NWD1: variants seen among roughly 807,000 people sequenced by gnomAD.
NWD1 encodes the protein NACHT domain- and WD repeat-containing protein 1.
In NWD1, 129 loss-of-function variants were observed where a neutral mutation model predicts 135.1. That is an observed-to-expected ratio of 0.96 (90% CI 0.83 to 1.11). The LOEUF is 1.11. Ranked by LOEUF, NWD1 falls within the 50% of genes least tolerant of loss-of-function variation. NWD1 has a pLI of 0.00. For missense variants in NWD1, 1,740 were observed against 1,851.3 expected (o/e 0.94, Z 1.10); for synonymous variants, 773 against 786.0 (o/e 0.98, Z 0.28).
At chr19:16,767,729 G>A (rs1969276763) in intron 10 of NWD1, among the ~76,000 whole-genome samples, 1 of 151,944 alleles carries the variant, frequency 6.6e-6, no homozygotes, top group South Asian at 2.1e-4. Context: ...TCAACATGTG[G>A]GGATTATGGG....
At chr19:16,769,355 G>T (rs548816678) in intron 10 of NWD1, among the ~76,000 whole-genome samples, 1 of 152,006 alleles carries the variant, frequency 6.6e-6, no homozygotes, top group Non-Finnish European at 1.5e-5. Context: ...CCAGTTACTC[G>T]GGAGGCTGAG....
At position 16,736,670 on chromosome 19, in the gene NWD1, G is replaced by A. The variant is rs1212205206; in HGVS notation, c.118G>A (p.Ala40Thr). The change falls in exon 4 of 19, where the codon GCC becomes ACC. Residue 40 changes from alanine to threonine, a missense_variant. Transcript: ENST00000524140. Reference protein sequence around the residue: ...DLRWGIRNIEATDHLTTELCL... With the variant: ...DLRWGIRNIETTDHLTTELCL... ...GAGGTGGGGTATTCGGAACATTGAA[G>A]CCACTGACCACTTGACCACAGAACT... 6 of 1,536,120 alleles carry A rather than the reference G, an allele frequency of 3.9e-6. No individual in the cohort carries two copies. The highest frequency in any genetic ancestry group is 1.4e-5 in the African/African-American group (1 of 73,162).
At chr19:16,744,173 G>A (rs1416531647) in intron 4 of NWD1, among the ~76,000 whole-genome samples, 3 of 152,080 alleles carry the variant, frequency 2.0e-5, no homozygotes, top group Admixed American at 2.0e-4. Context: ...AGGATCCCTT[G>A]AGTACAGGAG....
chr19:16,778,788 T>A lies in NWD1; in HGVS notation c.2609-555T>A, dbSNP rs539790005. On this transcript the variant is annotated intron_variant, in intron 11 of 18. Transcript: ENST00000524140. ...CCTCCCAAAGTTTGGCCTCCCAAAG[T>A]ATTGGCCTCCCACAGTGCTGGGTGG... 2.7e-4 allele frequency among the ~76,000 whole-genome samples: 41 copies of A among 152,250 alleles called. No homozygotes were observed. The Middle Eastern group carries it at 0.01, about 38-fold the overall frequency.
In NWD1 at chr19:16,763,885, G is replaced by A; in HGVS notation, c.2191G>A (p.Glu731Lys). The A allele has an allele frequency of 1.9e-6, 3 of 1,614,012 alleles. No individual in the cohort carries two copies. Among genetic ancestry groups the A allele is most frequent in the Non-Finnish European group, 2.5e-6 (3 of 1,179,934 alleles). The change falls in exon 9 of 19, where the codon GAG becomes AAG. Residue 731 changes from glutamate to lysine, a missense_variant. By Grantham distance (56) the Glu-to-Lys change is moderately conservative. Transcript: ENST00000524140. ...HTVANLRKLK[E>K]LPYHLLHSGR... ...GGTTGCAAACCTGCGGAAGCTGAAGGAGTTGCCCTATCACCTGCTTCACTC... is the reference window on the plus strand; with the variant it reads ...GGTTGCAAACCTGCGGAAGCTGAAGAAGTTGCCCTATCACCTGCTTCACTC...
In NWD1 at chr19:16,794,550, G is replaced by A. The variant is rs780587163; in HGVS notation, c.3301G>A (p.Ala1101Thr). The change falls in exon 15 of 19, where the codon GCA (alanine) becomes ACA (threonine). Residue 1101 changes from alanine (A) to threonine (T), a missense_variant. Physicochemically the swap from Ala to Thr is moderately conservative, Grantham distance 58 (BLOSUM62 0). Transcript: ENST00000524140. Reference sequence around the variant, plus strand: ...CTCTGAAGATGAGTCCCTCCTCGCCGCAGGTAGCGTTTAGCTCTCATTTGG... The same window carrying A: ...CTCTGAAGATGAGTCCCTCCTCGCCACAGGTAGCGTTTAGCTCTCATTTGG... ...VVSEDESLLA[A>T]GFGRSVRIFL... 1.2e-5 allele frequency: 19 copies of A among 1,596,012 alleles called. No individual in the cohort carries two copies. The East Asian group carries it at 1.3e-4, about 11-fold the overall frequency.
intron 17 of NWD1, among the ~76,000 whole-genome samples, chr19:16,805,844 G>A (rs1970730793): frequency 6.6e-6 from 1 of 151,978 alleles, no homozygotes. Flanking sequence ...TCATTAACAA[G>A]GAGTTTCTTT....
At chr19:16,798,247 T>C (rs1311780168) in intron 16 of NWD1, among the ~76,000 whole-genome samples, 2 of 152,104 alleles carry the variant, frequency 1.3e-5, no homozygotes, top group Non-Finnish European at 2.9e-5. Context: ...AGTGTTTTAG[T>C]CTCAGGCCTC....
chr19:16,758,338 G>A (rs946752615), intron 6 of NWD1, among the ~76,000 whole-genome samples: 2 of 152,198 alleles, frequency 1.3e-5, no homozygotes, highest in African/African-American at 2.4e-5. Context: ...GTGCAGTGAT[G>A]TAATCACAGC....
chr19:16,733,587 T>C (rs1164219856), intron 3 of NWD1, among the ~76,000 whole-genome samples: 1 of 151,002 alleles, frequency 6.6e-6, no homozygotes, highest in Non-Finnish European at 1.5e-5. Context: ...AGATGCATGA[T>C]CGTTATGGTT....
Position 16,749,137 on chromosome 19 carries a change from A to G in NWD1, c.497-2A>G. The G allele has an allele frequency of 6.3e-7, 1 of 1,584,036 alleles. No individual in the cohort carries two copies. On this transcript the variant is annotated splice_acceptor_variant, in intron 5 of 18. Coordinates refer to ENST00000524140, the MANE Select transcript of NWD1 (RefSeq NM_001007525.5). LOFTEE classifies it high-confidence loss of function. ...TCCTTCCCACCTTCCCCACTTTGGC[A>G]GTCATTGAGTGGGAGATAGAGCGGA... is the stretch of plus-strand genomic sequence containing the variant.
intron 16 of NWD1, among the ~76,000 whole-genome samples, chr19:16,798,964 T>C (rs1440756961): frequency 6.6e-6 from 1 of 151,658 alleles, no homozygotes; most frequent in African/African-American, 2.4e-5. Flanking sequence ...ATTAAAAGTT[T>C]TGAGCTTCCA....
At chr19:16,741,282 A>C (rs961253384) in intron 4 of NWD1, among the ~76,000 whole-genome samples, 1 of 151,744 alleles carries the variant, frequency 6.6e-6, no homozygotes, top group African/African-American at 2.4e-5. Flanking sequence ...GGGCCTTTGC[A>C]CATGCTGCTC....
At chr19:16,735,242 G>T (rs750357938) in intron 3 of NWD1, among the ~76,000 whole-genome samples, 7 of 152,086 alleles carry the variant, frequency 4.6e-5, no homozygotes, top group Admixed American at 3.3e-4. Flanking sequence ...AGTAGCTCGT[G>T]CCTGTAATCC....
At chr19:16,766,587 A>T (rs1969232290) in intron 10 of NWD1, among the ~76,000 whole-genome samples, 2 of 105,448 alleles carry the variant, frequency 1.9e-5, no homozygotes, top group African/African-American at 1.1e-4. Context: ...TACATGTCTT[A>T]ACCATTTTTT....
chr19:16,791,649 G>C, intron 14 of NWD1, 27 bp downstream of exon 14: 3 of 1,606,790 alleles, frequency 1.9e-6, no homozygotes, highest in Non-Finnish European at 2.6e-6. Context: ...ACTATGATGT[G>C]AACATTAACT....
chr19:16,755,687 CTTATTTATTTATTTAT>C (rs60291508), intron 6 of NWD1, among the ~76,000 whole-genome samples: 246 of 148,122 alleles, frequency 1.7e-3, no homozygotes, highest in African/African-American at 5.7e-3. Context: ...CACATCCAGC[CTTATTTATTTATTTAT>C]TTATTTATTT....
chr19:16,794,492 G>T lies in NWD1; in HGVS notation c.3243G>T (p.Glu1081Asp). ...LVSSKGDRLLEKLPDAVRFLV... is the reference protein window; with the variant it reads ...LVSSKGDRLLDKLPDAVRFLV... ...CCTCCAAAGGGGACAGATTGCTGGA[G>T]AAGCTTCCAGATGCTGTGAGGTTCC... is the stretch of plus-strand genomic sequence containing the variant. Residue 1081 changes from glutamate to aspartate, a missense_variant, in exon 15 of 19, where the codon GAG becomes GAT. Coordinates refer to ENST00000524140, the MANE Select transcript of NWD1 (RefSeq NM_001007525.5). 6.2e-7 allele frequency: 1 copy of T among 1,612,072 alleles called. No homozygotes were observed. The highest frequency in any genetic ancestry group is 1.7e-5 in the Admixed American group (1 of 59,846).
At chr19:16,741,876 T>C (rs1029519940) in intron 4 of NWD1, among the ~76,000 whole-genome samples, 2 of 152,020 alleles carry the variant, frequency 1.3e-5, no homozygotes, top group African/African-American at 4.8e-5. Context: ...GTTGGGAGGC[T>C]GAGGTGGGCA....
Sources: allele counts gnomAD v4.1 joint callset (sites outside exome capture counted in the v4.1 genomes callset), GRCh38; gene constraint gnomAD v4.1.1; transcripts MANE v1.5; gene names NCBI Gene and HGNC (gene_info 2026-07-23, HGNC 2026-07-21).